Variants in SEL1L3 observed in about 807,000 individuals in gnomAD.
SEL1L3 encodes protein sel-1 homolog 3.
Under a neutral mutation model 142.8 loss-of-function variants are expected in SEL1L3, and 76 were observed. The observed-to-expected ratio is 0.53, with a 90% CI of 0.44 to 0.64. The LOEUF (loss-of-function observed/expected upper bound fraction) is 0.64. Ranked by LOEUF, SEL1L3 falls within the 30% of genes least tolerant of loss-of-function variation. SEL1L3 has a pLI of 0.00. For synonymous variants in SEL1L3, 504 were observed against 519.6 expected (o/e 0.97, Z 0.41); for missense variants, 1,262 against 1,381.7 (o/e 0.91, Z 1.37).
intron 17 of SEL1L3, among the ~76,000 whole-genome samples, chr4:25,774,777 G>A (rs905106796): frequency 3.9e-5 from 6 of 152,192 alleles, no homozygotes; most frequent in African/African-American, 9.7e-5. Context: ...CCCGGCAGGC[G>A]GAGGCTGCAG....
intron 1 of SEL1L3, among the ~76,000 whole-genome samples, chr4:25,853,151 G>A (rs565237878): frequency 6.6e-6 from 1 of 152,298 alleles, no homozygotes; most frequent in East Asian, 1.9e-4. Flanking sequence ...CAAGGCAGGA[G>A]GATCACTTGA....
intron 6 of SEL1L3, among the ~76,000 whole-genome samples, chr4:25,825,540 TAAGA>T (rs1310417792): frequency 6.6e-6 from 1 of 152,190 alleles, no homozygotes; most frequent in Non-Finnish European, 1.5e-5. Flanking sequence ...CTCTCAGAAT[TAAGA>T]AATAGCTCCA....
intron 1 of SEL1L3, among the ~76,000 whole-genome samples, chr4:25,854,050 T>C (rs1717078161): frequency 6.6e-6 from 1 of 152,194 alleles, no homozygotes; most frequent in Non-Finnish European, 1.5e-5. Context: ...CACATTGTAT[T>C]TCAACTGGAT....
chr4:25,753,273 G>A (rs928490055), intron 23 of SEL1L3, among the ~76,000 whole-genome samples: 4 of 152,252 alleles, frequency 2.6e-5, no homozygotes, highest in Non-Finnish European at 5.9e-5. Context: ...TCAACTGCAA[G>A]TCTTGACTAT....
chr4:25,744,608 C>A (rs755665246), downstream of SEL1L3, among the ~76,000 whole-genome samples: 1 of 152,160 alleles, frequency 6.6e-6, no homozygotes, highest in Non-Finnish European at 1.5e-5. Flanking sequence ...GCTGCCTCTG[C>A]CTCCGAAAGT....
chr4:25,826,771 C>T (rs1052027543), intron 6 of SEL1L3, among the ~76,000 whole-genome samples: 3 of 152,276 alleles, frequency 2.0e-5, no homozygotes, highest in Non-Finnish European at 4.4e-5. Flanking sequence ...CTCTCTGCAA[C>T]CTTCACCTCA....
chr4:25,820,198 C>T (rs966818039), intron 7 of SEL1L3, among the ~76,000 whole-genome samples: 15 of 152,204 alleles, frequency 9.9e-5, no homozygotes, highest in African/African-American at 3.4e-4. Flanking sequence ...GACTGGGACT[C>T]TTCCCTCTTC....
chr4:25,734,637 C>T, the SEL1L3 span, among the ~76,000 whole-genome samples: 1 of 152,022 alleles, frequency 6.6e-6, no homozygotes, highest in Non-Finnish European at 1.5e-5. Context: ...GGCCTGATCT[C>T]GGCTTACTGC....
intron 6 of SEL1L3, among the ~76,000 whole-genome samples, chr4:25,826,939 C>T (rs552796614): frequency 6.6e-6 from 1 of 152,180 alleles, no homozygotes; most frequent in East Asian, 1.9e-4. Context: ...GCTGGGATTA[C>T]AGGCGTGAGC....
intron 9 of SEL1L3, among the ~76,000 whole-genome samples, chr4:25,816,413 T>A (rs1402222240): frequency 6.6e-6 from 1 of 152,110 alleles, no homozygotes; most frequent in East Asian, 1.9e-4. Context: ...TTACACAACA[T>A]GACGCAGCCT....
chr4:25,725,385 G>A, the SEL1L3 span, among the ~76,000 whole-genome samples: 23 of 148,332 alleles, frequency 1.6e-4, 1 homozygote, highest in Middle Eastern at 0.011. Context: ...GCACAATCTC[G>A]GCTCACTGCA....
intron 2 of SEL1L3, among the ~76,000 whole-genome samples, chr4:25,845,743 C>T (rs536512845): frequency 2.5e-4 from 38 of 152,272 alleles, no homozygotes; most frequent in African/African-American, 7.9e-4. Context: ...CCTTAAGTCA[C>T]CTTGTCCCAA....
the SEL1L3 span, among the ~76,000 whole-genome samples, chr4:25,724,019 T>TGA: frequency 3.3e-5 from 5 of 152,248 alleles, no homozygotes; most frequent in Non-Finnish European, 5.9e-5. Flanking sequence ...CTCCCTCATT[T>TGA]ATACTCAATT....
intron 23 of SEL1L3, chr4:25,756,367 C>T: frequency 2.0e-6 from 2 of 985,190 alleles, no homozygotes; most frequent in Non-Finnish European, 2.4e-6. Flanking sequence ...AGCTTATGGT[C>T]TAATAGAGGA....
At chr4:25,766,127 G>A (rs1166745567) in intron 19 of SEL1L3, among the ~76,000 whole-genome samples, 2 of 152,108 alleles carry the variant, frequency 1.3e-5, no homozygotes, top group Non-Finnish European at 2.9e-5. Context: ...TTCCTCTGAA[G>A]AAAAACTTGT....
chr4:25,813,658 C>T (rs993767796), intron 9 of SEL1L3, among the ~76,000 whole-genome samples: 21 of 152,188 alleles, frequency 1.4e-4, no homozygotes, highest in African/African-American at 5.1e-4. Flanking sequence ...CTTAGCACTG[C>T]TGAACTGTGT....
At chr4:25,811,864 T>C (rs1393897548) in intron 9 of SEL1L3, among the ~76,000 whole-genome samples, 1 of 151,912 alleles carries the variant, frequency 6.6e-6, no homozygotes, top group Non-Finnish European at 1.5e-5. Context: ...TTAACCGGAA[T>C]TTAAAATGCA....
chr4:25,847,542 A>C lies in SEL1L3; in HGVS notation c.485T>G (p.Ile162Ser). The change falls in exon 2 of 24, where the codon ATC becomes AGC. Residue 162 changes from isoleucine to serine, a missense_variant. By Grantham distance (142) the Ile-to-Ser change is moderately radical. Transcript: ENST00000399878. ...TGCAGATACAGAGATGGAATGTCTG[A>C]TGAAATAATCATCTCTGTAAACCAT... ...SIMVYRDDYF[I>S]RHSISVSAVI... is the part of the protein sequence containing the mutation. 6.2e-7 allele frequency: 1 copy of C among 1,613,832 alleles called. No individual in the cohort carries two copies. Among genetic ancestry groups the C allele is most frequent in the Non-Finnish European group, 8.5e-7 (1 of 1,179,692 alleles).
At chr4:25,728,860 C>CAA in the SEL1L3 span, among the ~76,000 whole-genome samples, 2 of 95,152 alleles carry the variant, frequency 2.1e-5, no homozygotes, top group Admixed American at 1.2e-4. Context: ...AGACTTGTGT[C>CAA]AAAAAAAAAA....
Sources: gnomAD v4.1 joint callset for allele counts (sites outside exome capture counted in the v4.1 genomes callset) on GRCh38, gnomAD v4.1.1 for gene constraint, MANE v1.5 for transcripts, NCBI Gene and HGNC (gene_info 2026-07-23, HGNC 2026-07-21) for gene names.